The following TUFT1 variants were observed in gnomAD, a reference collection of about 807,000 sequenced individuals.
TUFT1 encodes the protein tuftelin 1.
TUFT1 carries 43 observed loss-of-function variants against 57.8 expected under a neutral mutation model. The observed-to-expected ratio is 0.74, with a 90% CI of 0.58 to 0.96. The LOEUF (loss-of-function observed/expected upper bound fraction) is 0.96. Ranked by LOEUF, TUFT1 falls within the 40% of genes least tolerant of loss-of-function variation. The probability of loss-of-function intolerance (pLI) is 0.00; values close to 1 mark genes in which losing one functional copy is unlikely to be tolerated. For missense variants in TUFT1, 459 were observed against 489.0 expected (o/e 0.94, Z 0.58); for synonymous variants, 166 against 176.7 (o/e 0.94, Z 0.48).
In TUFT1 at chr1:151,558,988, T is replaced by C. The variant is rs375605107; in HGVS notation, c.61-3103T>C. ...TCAGTAGAGACGGGGTTTCACCATG[T>C]TGGCCAGGCTGGTCTCAAACTCCTG... On this transcript the variant is annotated intron_variant, in intron 1 of 12. Transcript: ENST00000368849. Among the ~76,000 whole-genome samples, 88 of 152,214 alleles carry C rather than the reference T, an allele frequency of 5.8e-4. 1 individual carries two copies. The East Asian group carries it at 0.012, about 21-fold the overall frequency.
At position 151,581,906 on chromosome 1, in the gene TUFT1, C is replaced by T; in HGVS notation, c.*199C>T. 2 of 630,998 alleles carry T rather than the reference C, an allele frequency of 3.2e-6. No homozygotes were observed. The highest frequency in any genetic ancestry group is 5.7e-6 in the Non-Finnish European group (2 of 351,390). 39.1% of individuals were successfully genotyped at this position (630,998 alleles called of 1,614,324 possible). A position where few individuals can be genotyped will look rare whatever the true frequency, so the allele number is the denominator to read the frequency against. On this transcript the variant is annotated 3_prime_UTR_variant, in exon 13 of 13. Coordinates refer to ENST00000368849, the MANE Select transcript of TUFT1 (RefSeq NM_020127.3). ...ACGGAGCACGAGCACCTATTCAAGGCACTGCAGCCCTTTGGAAGACATTGT... is the reference window on the plus strand; with the variant it reads ...ACGGAGCACGAGCACCTATTCAAGGTACTGCAGCCCTTTGGAAGACATTGT...
At chr1:151,561,684 A>G in intron 1 of TUFT1, 1 of 1,277,340 alleles carries the variant, frequency 7.8e-7, no homozygotes, top group Non-Finnish European at 1.0e-6. Context: ...CTAGTCTTGT[A>G]AAGTGCATCA....
At chr1:151,550,079 G>A (rs778585437) in intron 1 of TUFT1, among the ~76,000 whole-genome samples, 1 of 151,778 alleles carries the variant, frequency 6.6e-6, no homozygotes, top group Non-Finnish European at 1.5e-5. Context: ...AGTGTCACAG[G>A]GCTCACTGCA....
chr1:151,575,215 T>C (rs1209302708), intron 9 of TUFT1, among the ~76,000 whole-genome samples: 2 of 152,154 alleles, frequency 1.3e-5, no homozygotes. Context: ...GGGAGTTCAT[T>C]TTCCATGGGG....
At position 151,575,008 on chromosome 1, in the gene TUFT1, A is replaced by T. The variant is rs1173579943; in HGVS notation, c.818+3A>T. ...GACTGCCAAGCAGAACGAGAAAAGT[A>T]AGGGCTTGGCTCTTGTTCACGGTGA... On this transcript the variant is annotated splice_donor_region_variant and intron_variant, in intron 9 of 12. Coordinates refer to ENST00000368849, the MANE Select transcript of TUFT1 (RefSeq NM_020127.3). The T allele has an allele frequency of 1.9e-6, 3 of 1,556,556 alleles. No individual in the cohort carries two copies. Among genetic ancestry groups the T allele is most frequent in the Admixed American group, 1.9e-5 (1 of 51,434 alleles).
intron 9 of TUFT1, among the ~76,000 whole-genome samples, chr1:151,577,164 G>A (rs1183412750): frequency 2.6e-5 from 4 of 152,200 alleles, no homozygotes; most frequent in Non-Finnish European, 5.9e-5. Flanking sequence ...AGGTCAGCAG[G>A]TGGATGCATT....
chr1:151,545,535 T>G (rs746128098), intron 1 of TUFT1, among the ~76,000 whole-genome samples: 5 of 152,216 alleles, frequency 3.3e-5, no homozygotes, highest in Non-Finnish European at 5.9e-5. Context: ...GTGCCTGGCA[T>G]GTGGTAAGTA....
At position 151,552,171 on chromosome 1, in the gene TUFT1, A is replaced by G. The variant is rs79251415; in HGVS notation, c.61-9920A>G. Among the ~76,000 whole-genome samples the G allele has an allele frequency of 2.1e-3, 315 of 152,322 alleles. 6 individuals are homozygous for G. Among genetic ancestry groups the G allele is most frequent in the African/African-American group, 7.3e-3 (303 of 41,570 alleles). On this transcript the variant is annotated intron_variant, in intron 1 of 12. Coordinates refer to ENST00000368849, the MANE Select transcript of TUFT1 (RefSeq NM_020127.3). Reference sequence around the variant, plus strand: ...TCTTTGTGAGATTTACTGATGTTGCATGTACAGTGCTTCATTCTTTTTCAT... The same window carrying G: ...TCTTTGTGAGATTTACTGATGTTGCGTGTACAGTGCTTCATTCTTTTTCAT...
intron 9 of TUFT1, among the ~76,000 whole-genome samples, chr1:151,577,839 A>G (rs1457910679): frequency 6.6e-6 from 1 of 152,062 alleles, no homozygotes; most frequent in Non-Finnish European, 1.5e-5. Context: ...CCTGGCCAAC[A>G]TGCTGAGACT....
rs3790505 is a variant in TUFT1 at position 151,572,581 on chromosome 1, T to A, written c.595-1689T>A. Among the ~76,000 whole-genome samples the A allele has an allele frequency of 0.029, 4,355 of 152,254 alleles. 483 individuals carry two copies. In the East Asian group the frequency reaches 0.31, roughly 11 times the overall value. ...GGGGATGGCCTATTTCAGGTTAATATGGGTCATATGAAGGCTTGTCTCAGT... is the reference window on the plus strand; with the variant it reads ...GGGGATGGCCTATTTCAGGTTAATAAGGGTCATATGAAGGCTTGTCTCAGT... On this transcript the variant is annotated intron_variant, in intron 7 of 12. Transcript: ENST00000368849.
chr1:151,566,340 G>C lies in TUFT1; in HGVS notation c.480+112G>C, dbSNP rs1666079302. On this transcript the variant is annotated intron_variant, in intron 6 of 12. Coordinates refer to ENST00000368849, the MANE Select transcript of TUFT1 (RefSeq NM_020127.3). ...TCTCTCTCTCTCTCATTAAATACAA[G>C]AGTAGTAGTTGACATAAAAATTCAA... 3.7e-6 allele frequency: 3 copies of C among 821,136 alleles called. No individual in the cohort carries two copies. The Admixed American group carries it at 7.5e-5, about 20-fold the overall frequency. 50.9% of individuals were successfully genotyped at this position (821,136 alleles called of 1,614,324 possible).
chr1:151,547,825 A>G (rs1665388992), intron 1 of TUFT1, among the ~76,000 whole-genome samples: 1 of 152,166 alleles, frequency 6.6e-6, no homozygotes, highest in African/African-American at 2.4e-5. Flanking sequence ...CTCTACAGAC[A>G]CACTGTCACT....
chr1:151,543,361 A>G (rs1227736568), intron 1 of TUFT1, among the ~76,000 whole-genome samples: 1 of 114,758 alleles, frequency 8.7e-6, no homozygotes, highest in Admixed American at 9.6e-5. Flanking sequence ...GTGTGTGTGT[A>G]TTATATATGT....
intron 1 of TUFT1, among the ~76,000 whole-genome samples, chr1:151,557,205 T>C (rs1665729688): frequency 6.6e-6 from 1 of 152,188 alleles, no homozygotes; most frequent in Non-Finnish European, 1.5e-5. Flanking sequence ...TCTCCTGGTG[T>C]TGGCATTTTA....
rs11204850 is a variant in TUFT1 at position 151,567,826 on chromosome 1, G to A, written c.480+1598G>A. 0.029 allele frequency among the ~76,000 whole-genome samples: 4,356 copies of A among 152,298 alleles called. 476 individuals are homozygous for A. The East Asian group carries it at 0.31, about 11-fold the overall frequency. Reference sequence around the variant, plus strand: ...CTCCCAAAGTGTTAGGATTACAGGCGTGAGCCACTGCACCCCGCCACCATT... The same window carrying A: ...CTCCCAAAGTGTTAGGATTACAGGCATGAGCCACTGCACCCCGCCACCATT... On this transcript the variant is annotated intron_variant, in intron 6 of 12. Coordinates refer to ENST00000368849, the MANE Select transcript of TUFT1 (RefSeq NM_020127.3).
chr1:151,558,057 C>T (rs1217181144), intron 1 of TUFT1: 1 of 342,578 alleles, frequency 2.9e-6, no homozygotes, highest in Non-Finnish European at 5.6e-6. Flanking sequence ...TTTTTCAACT[C>T]ATGTTTCTTT....
At chr1:151,565,837 G>A (rs1243741037) in intron 5 of TUFT1, 2 of 202,738 alleles carry the variant, frequency 9.9e-6, no homozygotes, top group Non-Finnish European at 2.0e-5. Flanking sequence ...AAAGATTTTA[G>A]CCTGAGGTTT....
rs748417526 is a variant in TUFT1, at chr1:151,540,342, G to A, written c.-25G>A. Reference sequence around the variant, plus strand: ...CCAGACAGCGGGGTGGACAAGTGGCGTGTGTGCTGCGACCCCGAGGGAAGA... The same window carrying A: ...CCAGACAGCGGGGTGGACAAGTGGCATGTGTGCTGCGACCCCGAGGGAAGA... On this transcript the variant is annotated 5_prime_UTR_variant, in exon 1 of 13. The change creates a new upstream start codon in the 5' untranslated region. Coordinates refer to ENST00000368849, the MANE Select transcript of TUFT1 (RefSeq NM_020127.3). 2 of 1,614,026 alleles carry A rather than the reference G, an allele frequency of 1.2e-6. No individual in the cohort carries two copies. The highest frequency in any genetic ancestry group is 1.7e-5 in the Admixed American group (1 of 60,026).
chr1:151,545,181 G>A (rs759068669), intron 1 of TUFT1, among the ~76,000 whole-genome samples: 9 of 152,024 alleles, frequency 5.9e-5, no homozygotes, highest in Non-Finnish European at 1.3e-4. Context: ...GTGGTGGTGC[G>A]CACCTATAAT....
Sources: gnomAD v4.1 joint callset for allele counts (sites outside exome capture counted in the v4.1 genomes callset) on GRCh38, gnomAD v4.1.1 for gene constraint, MANE v1.5 for transcripts, NCBI Gene and HGNC (gene_info 2026-07-23, HGNC 2026-07-21) for gene names.